Variants in GALNT13 observed in about 807,000 individuals in gnomAD.
GALNT13 encodes UDP-GalNAc:polypeptide N-acetylgalactosaminyltransferase 13.
A neutral mutation model predicts 64.2 loss-of-function variants in GALNT13; 28 were observed. The ratio of observed to expected loss-of-function variants is 0.44; its 90% confidence interval spans 0.32 to 0.60. GALNT13 has a LOEUF of 0.60. Among genes scored for constraint, GALNT13 ranks in the 20% least tolerant of loss-of-function variants. The pLI is 0.05. For synonymous variants in GALNT13, 214 were observed against 224.6 expected (o/e 0.95, Z 0.42); for missense variants, 577 against 669.8 (o/e 0.86, Z 1.53).
chr2:154,103,271 C>G (rs548585662), intron 3 of GALNT13, among the ~76,000 whole-genome samples: 2 of 152,128 alleles, frequency 1.3e-5, no homozygotes, highest in East Asian at 3.9e-4. Context: ...TTTCTTCTGC[C>G]TTTTCTAATC....
At chr2:153,752,927 A>G in the GALNT13 span, among the ~76,000 whole-genome samples, 1 of 151,882 alleles carries the variant, frequency 6.6e-6, no homozygotes, top group Non-Finnish European at 1.5e-5. Context: ...GGCATGTTTC[A>G]TTGCTTTTTA....
chr2:154,370,715 CAAAT>C (rs1697636741), intron 9 of GALNT13, among the ~76,000 whole-genome samples: 1 of 151,966 alleles, frequency 6.6e-6, no homozygotes, highest in Non-Finnish European at 1.5e-5. Flanking sequence ...GTGTAGGTGT[CAAAT>C]AGGCAGACTT....
intron 4 of GALNT13, among the ~76,000 whole-genome samples, chr2:154,221,133 T>A (rs1573903297): frequency 6.6e-6 from 1 of 152,052 alleles, no homozygotes; most frequent in Non-Finnish European, 1.5e-5. Flanking sequence ...AGTAATAAAA[T>A]GCACAAATTA....
chr2:153,524,620 G>A, the GALNT13 span, among the ~76,000 whole-genome samples: 3 of 152,264 alleles, frequency 2.0e-5, no homozygotes, highest in East Asian at 5.8e-4. Context: ...GTATTTGTGA[G>A]CAGTGCAGTC....
chr2:153,783,918 C>T, the GALNT13 span, among the ~76,000 whole-genome samples: 5 of 152,130 alleles, frequency 3.3e-5, no homozygotes, highest in African/African-American at 9.7e-5. Context: ...TACCCAGTCT[C>T]GGGTATGTCT....
At chr2:153,749,397 G>A in the GALNT13 span, among the ~76,000 whole-genome samples, 1 of 151,940 alleles carries the variant, frequency 6.6e-6, no homozygotes, top group Admixed American at 6.6e-5. Context: ...TTTTGATAGA[G>A]ATTGTATTGA....
chr2:153,104,338 C>T, the GALNT13 span, among the ~76,000 whole-genome samples: 1 of 152,030 alleles, frequency 6.6e-6, no homozygotes, highest in Admixed American at 6.6e-5. Flanking sequence ...ATGGGCTCTC[C>T]CAACATTTCA....
the GALNT13 span, among the ~76,000 whole-genome samples, chr2:153,257,465 C>A: frequency 1.3e-5 from 2 of 152,076 alleles, no homozygotes; most frequent in South Asian, 4.1e-4. Flanking sequence ...ATTCAGCCAT[C>A]TTGGCTCCTC....
At chr2:153,348,118 C>T in the GALNT13 span, among the ~76,000 whole-genome samples, 1 of 152,138 alleles carries the variant, frequency 6.6e-6, no homozygotes, top group Admixed American at 6.5e-5. Flanking sequence ...TGACTCCTAG[C>T]TGCAGCTTAC....
At chr2:153,799,042 C>T in the GALNT13 span, among the ~76,000 whole-genome samples, 1 of 152,052 alleles carries the variant, frequency 6.6e-6, no homozygotes, top group African/African-American at 2.4e-5. Context: ...TAAAAGTTTA[C>T]AGGAGATGAA....
At chr2:153,744,941 A>C in the GALNT13 span, among the ~76,000 whole-genome samples, 2 of 152,136 alleles carry the variant, frequency 1.3e-5, no homozygotes, top group African/African-American at 4.8e-5. Flanking sequence ...AGGCCTGGTG[A>C]GGAGTGAGTG....
At chr2:154,329,938 A>G (rs1007942991) in intron 9 of GALNT13, among the ~76,000 whole-genome samples, 2 of 152,016 alleles carry the variant, frequency 1.3e-5, no homozygotes, top group Admixed American at 1.3e-4. Context: ...ATGCCTTCCT[A>G]CAGCCCACAG....
At chr2:154,293,786 A>AT (rs1166101522) in intron 8 of GALNT13, among the ~76,000 whole-genome samples, 1 of 152,166 alleles carries the variant, frequency 6.6e-6, no homozygotes, top group Non-Finnish European at 1.5e-5. Flanking sequence ...AATAAAGGAA[A>AT]TTATCGAGGT....
At chr2:153,615,718 C>T in the GALNT13 span, among the ~76,000 whole-genome samples, 1 of 152,010 alleles carries the variant, frequency 6.6e-6, no homozygotes, top group Non-Finnish European at 1.5e-5. Context: ...TAAATGGAAT[C>T]TTTTAAATCT....
intron 3 of GALNT13, among the ~76,000 whole-genome samples, chr2:153,968,417 C>G (rs1199335271): frequency 6.6e-6 from 1 of 152,142 alleles, no homozygotes; most frequent in Non-Finnish European, 1.5e-5. Flanking sequence ...TTCAAGCACC[C>G]AGATTCTTTC....
chr2:153,651,234 G>A, the GALNT13 span, among the ~76,000 whole-genome samples: 21 of 152,128 alleles, frequency 1.4e-4, no homozygotes, highest in African/African-American at 4.8e-4. Flanking sequence ...TTAAACAAGA[G>A]TCTAGAGAAT....
At chr2:154,434,125 TC>T (rs1700825286) in intron 11 of GALNT13, among the ~76,000 whole-genome samples, 1 of 152,204 alleles carries the variant, frequency 6.6e-6, no homozygotes, top group Non-Finnish European at 1.5e-5. Context: ...ATCTTGGACT[TC>T]CAGCCTCCAA....
the GALNT13 span, among the ~76,000 whole-genome samples, chr2:153,662,390 C>A: frequency 6.6e-6 from 1 of 152,152 alleles, no homozygotes; most frequent in Non-Finnish European, 1.5e-5. Flanking sequence ...TTCCAATAGA[C>A]TTGGTGCACA....
chr2:153,176,477 G>A, the GALNT13 span, among the ~76,000 whole-genome samples: 3 of 152,068 alleles, frequency 2.0e-5, no homozygotes, highest in African/African-American at 7.2e-5. Context: ...AATAGTTAAT[G>A]TACATTCTGG....
Sources: gnomAD v4.1 joint callset for allele counts (sites outside exome capture counted in the v4.1 genomes callset) on GRCh38, gnomAD v4.1.1 for gene constraint, MANE v1.5 for transcripts, NCBI Gene and HGNC (gene_info 2026-07-23, HGNC 2026-07-21) for gene names.